Variants in ARRB1 observed in about 807,000 individuals in gnomAD.
ARRB1 encodes beta-arrestin-1.
Under a neutral mutation model 56.8 loss-of-function variants are expected in ARRB1, and 21 were observed. The observed-to-expected ratio is 0.37, with a 90% CI of 0.26 to 0.53. The LOEUF is 0.53. ARRB1 is among the 20% of genes least tolerant of loss of function. The pLI is 0.88. For synonymous variants in ARRB1, 210 were observed against 218.6 expected (o/e 0.96, Z 0.35); for missense variants, 424 against 553.7 (o/e 0.77, Z 2.35).
chr11:75,344,323 G>A (rs1174308717), intron 1 of ARRB1, among the ~76,000 whole-genome samples: 1 of 152,212 alleles, frequency 6.6e-6, no homozygotes, highest in African/African-American at 2.4e-5. Flanking sequence ...CCGCCCAGAA[G>A]AAAGGTCACT....
At chr11:75,351,459 G>T in intron 1 of ARRB1, 129 bp downstream of exon 1, 1 of 1,365,030 alleles carries the variant, frequency 7.3e-7, no homozygotes, top group Non-Finnish European at 9.7e-7. Flanking sequence ...GACCTCGGGT[G>T]GAGGAGAGCT....
At chr11:75,283,879 C>T (rs1281545229) in intron 4 of ARRB1, among the ~76,000 whole-genome samples, 3 of 152,086 alleles carry the variant, frequency 2.0e-5, no homozygotes, top group Admixed American at 6.5e-5. Context: ...GGTATCTGGA[C>T]GGCAAGCGTC....
rs114033091 is a variant in ARRB1 at position 75,319,798 on chromosome 11, C to T, written c.21-29759G>A. On this transcript the variant is annotated intron_variant, in intron 1 of 15. Transcript: ENST00000420843. ...GGACCGTAAGGGTCCCCAGGGGGAC[C>T]CCTTGGGGTTTGAAAAATTAGAAGT... Among the ~76,000 whole-genome samples, 770 of 152,166 alleles carry T rather than the reference C, an allele frequency of 5.1e-3. 5 individuals are homozygous for T. Among genetic ancestry groups the T allele is most frequent in the African/African-American group, 0.018 (727 of 41,520 alleles).
chr11:75,302,409 T>G (rs1182258350), intron 1 of ARRB1, among the ~76,000 whole-genome samples: 2 of 152,366 alleles, frequency 1.3e-5, no homozygotes, highest in East Asian at 3.9e-4. Flanking sequence ...TGGCTTATTT[T>G]CTGTTAACCC....
At chr11:75,281,918 G>C in intron 6 of ARRB1, 44 bp downstream of exon 6, 1 of 1,597,192 alleles carries the variant, frequency 6.3e-7, no homozygotes, top group Non-Finnish European at 8.6e-7. Flanking sequence ...CTGGGGACAT[G>C]AGACTCCTGG....
At chr11:75,336,553 T>A (rs1370137549) in intron 1 of ARRB1, among the ~76,000 whole-genome samples, 2 of 152,096 alleles carry the variant, frequency 1.3e-5, no homozygotes, top group Non-Finnish European at 2.9e-5. Flanking sequence ...GAAGATACTG[T>A]AGGGTGACCC....
chr11:75,304,997 TTTC>T (rs1203183388), intron 1 of ARRB1, among the ~76,000 whole-genome samples: 1 of 148,636 alleles, frequency 6.7e-6, no homozygotes, highest in Non-Finnish European at 1.5e-5. Context: ...TGCATTTTCT[TTTC>T]TTTTCTTTTC....
In ARRB1 at chr11:75,316,625, A is replaced by G. The variant is rs145298263; in HGVS notation, c.21-26586T>C. 5.7e-3 allele frequency among the ~76,000 whole-genome samples: 873 copies of G among 151,900 alleles called. 6 individuals carry two copies. Among genetic ancestry groups the G allele is most frequent in the African/African-American group, 0.02 (835 of 41,406 alleles). On this transcript the variant is annotated intron_variant, in intron 1 of 15. Coordinates refer to ENST00000420843, the MANE Select transcript of ARRB1 (RefSeq NM_004041.5). The stretch of plus-strand genomic sequence containing the variant: ...AACGAGAGGGGCTAGGCAGTAGTCC[A>G]GTCCCATTTTGCCAGGCACGATGGC...
intron 1 of ARRB1, among the ~76,000 whole-genome samples, chr11:75,340,875 G>A (rs746623969): frequency 2.6e-5 from 4 of 152,126 alleles, no homozygotes; most frequent in Admixed American, 1.3e-4. Flanking sequence ...AGAATCTGCC[G>A]TGGGTGAGGG....
chr11:75,281,689 G>A (rs1946345757), intron 6 of ARRB1: 1 of 474,110 alleles, frequency 2.1e-6, no homozygotes, highest in Non-Finnish European at 3.8e-6. Context: ...GCCAGGTGTA[G>A]GTCCTCAGAA....
chr11:75,339,531 T>C (rs533042130), intron 1 of ARRB1, among the ~76,000 whole-genome samples: 1 of 152,300 alleles, frequency 6.6e-6, no homozygotes, highest in African/African-American at 2.4e-5. Context: ...TGAAAACACA[T>C]GTCACAGAGA....
intron 1 of ARRB1, among the ~76,000 whole-genome samples, chr11:75,293,493 G>T (rs573559707): frequency 2.0e-5 from 3 of 152,256 alleles, no homozygotes; most frequent in Admixed American, 2.0e-4. Context: ...CACACAGATG[G>T]CTCTGCCTGT....
At chr11:75,329,440 C>A (rs1947486993) in intron 1 of ARRB1, among the ~76,000 whole-genome samples, 1 of 152,170 alleles carries the variant, frequency 6.6e-6, no homozygotes, top group African/African-American at 2.4e-5. Flanking sequence ...TCTGAGCCAT[C>A]TCTGCCTAAA....
intron 13 of ARRB1, 180 bp from the exon 14 acceptor site, chr11:75,269,139 C>A: frequency 4.0e-6 from 3 of 746,784 alleles, no homozygotes; most frequent in South Asian, 1.4e-5. Context: ...GGGAGCTGGA[C>A]GAGGAGACTT....
chr11:75,341,891 C>A (rs1947697892), intron 1 of ARRB1, among the ~76,000 whole-genome samples: 1 of 152,234 alleles, frequency 6.6e-6, no homozygotes, highest in Non-Finnish European at 1.5e-5. Context: ...GGCTCAGACT[C>A]CTACACTGTC....
chr11:75,269,551 G>A (rs971880230), intron 13 of ARRB1, among the ~76,000 whole-genome samples: 9 of 152,318 alleles, frequency 5.9e-5, no homozygotes, highest in African/African-American at 2.2e-4. Flanking sequence ...AGGGGAAAGC[G>A]GCCGGGAAGA....
chr11:75,312,740 T>C (rs186857233), intron 1 of ARRB1, among the ~76,000 whole-genome samples: 8 of 151,784 alleles, frequency 5.3e-5, no homozygotes, highest in African/African-American at 1.9e-4. Flanking sequence ...GGCAATGGGG[T>C]GATGGAAGCA....
chr11:75,327,599 G>GGTTTTTTT, intron 1 of ARRB1, among the ~76,000 whole-genome samples: 1 of 146,694 alleles, frequency 6.8e-6, no homozygotes. Context: ...TTTTGTTTTT[G>GGTTTTTTT]TTTTTTTTTT....
intron 8 of ARRB1, 69 bp downstream of exon 8, chr11:75,278,540 A>G (rs1946251240): frequency 2.2e-5 from 35 of 1,603,552 alleles, no homozygotes; most frequent in Non-Finnish European, 3.0e-5. Flanking sequence ...AGGCCAGGAG[A>G]GAGCTGGGAT....
Sources: gnomAD v4.1 joint callset for allele counts (sites outside exome capture counted in the v4.1 genomes callset) on GRCh38, gnomAD v4.1.1 for gene constraint, MANE v1.5 for transcripts, NCBI Gene and HGNC (gene_info 2026-07-23, HGNC 2026-07-21) for gene names.